SOAT1: variants seen among roughly 807,000 people sequenced by gnomAD.
SOAT1 encodes sterol O-acyltransferase 1.
SOAT1 carries 55 observed loss-of-function variants against 69.5 expected under a neutral mutation model. That is an observed-to-expected ratio of 0.79 (90% CI 0.64 to 0.99). The LOEUF (loss-of-function observed/expected upper bound fraction) is 0.99, where lower values mean the gene tolerates loss of function less well. Among genes scored for constraint, SOAT1 ranks in the 50% least tolerant of loss-of-function variants. SOAT1 has a pLI of 0.00. For missense variants in SOAT1, 580 were observed against 669.3 expected, an observed-to-expected ratio of 0.87 and a Z score of 1.47; for synonymous variants, 231 against 224.7, an observed-to-expected ratio of 1.03 and a Z score of -0.25.
intron 2 of SOAT1, among the ~76,000 whole-genome samples, chr1:179,313,582 A>ATATATATATGTATATGTGTGTATATATG (rs1665293946): frequency 6.6e-6 from 1 of 150,586 alleles, no homozygotes; most frequent in Admixed American, 6.8e-5. Flanking sequence ...GTGTATATAT[A>ATATATATATGTATATGTGTGTATATATG]TGTATATATA....
chr1:179,348,760 A>ATGTGTGTG (rs71111912), intron 12 of SOAT1, 84 bp from the exon 13 acceptor site: 55 of 593,868 alleles, frequency 9.3e-5, no homozygotes, highest in African/African-American at 3.3e-4. Flanking sequence ...TTCGGGTGGG[A>ATGTGTGTG]TGTGTGTGTG....
chr1:179,299,089 A>G (rs984810524), intron 1 of SOAT1, among the ~76,000 whole-genome samples: 1 of 152,146 alleles, frequency 6.6e-6, no homozygotes, highest in Admixed American at 6.6e-5. Flanking sequence ...TGATTATAGG[A>G]CAATGTAACA....
At chr1:179,320,542 T>C (rs1458237502) in intron 2 of SOAT1, among the ~76,000 whole-genome samples, 1 of 152,150 alleles carries the variant, frequency 6.6e-6, no homozygotes, top group Non-Finnish European at 1.5e-5. Flanking sequence ...CAGGTGAAAT[T>C]TTAGTGAGTA....
chr1:179,342,458 A>C (rs1322650821), intron 8 of SOAT1, among the ~76,000 whole-genome samples: 1 of 151,840 alleles, frequency 6.6e-6, no homozygotes, highest in African/African-American at 2.4e-5. Context: ...TTTTATTTCA[A>C]ATATATATTA....
chr1:179,308,759 A>AT (rs1267203164), intron 2 of SOAT1, among the ~76,000 whole-genome samples: 1 of 151,350 alleles, frequency 6.6e-6, no homozygotes, highest in East Asian at 1.9e-4. Flanking sequence ...ATATATACTC[A>AT]TTGAAAAAAT....
At chr1:179,309,184 A>G (rs1665134034) in intron 2 of SOAT1, among the ~76,000 whole-genome samples, 1 of 152,138 alleles carries the variant, frequency 6.6e-6, no homozygotes, top group African/African-American at 2.4e-5. Flanking sequence ...CCCTGGTTCA[A>G]GCGATTCTTC....
rs528645477 is a variant in SOAT1, at chr1:179,338,153, C to T, written c.389+257C>T. On this transcript the variant is annotated intron_variant, in intron 5 of 15. Transcript: ENST00000367619. ...CCTGTAATCCTAGCACTTTGGGAGG[C>T]TGAGACAGGCAGATCGCTTGAGTCC... is the stretch of plus-strand genomic sequence containing the variant. Among the ~76,000 whole-genome samples, 18 of 152,234 alleles carry T rather than the reference C, an allele frequency of 1.2e-4. No individual in the cohort carries two copies. In the South Asian group the frequency reaches 3.5e-3, roughly 30 times the overall value.
At chr1:179,336,271 T>G (rs1666149970) in intron 4 of SOAT1, among the ~76,000 whole-genome samples, 1 of 151,934 alleles carries the variant, frequency 6.6e-6, no homozygotes, top group Admixed American at 6.6e-5. Context: ...GAGACCAGCC[T>G]GGCCAACAGG....
At chr1:179,319,267 C>CT (rs542647494) in intron 2 of SOAT1, among the ~76,000 whole-genome samples, 31,673 of 125,116 alleles carry the variant, frequency 0.25, 4,155 homozygotes, top group East Asian at 0.37. Context: ...GTTACTTTGC[C>CT]TTTTTTTTTT....
chr1:179,332,309 C>A (rs760789699), intron 3 of SOAT1, among the ~76,000 whole-genome samples: 13 of 152,138 alleles, frequency 8.5e-5, no homozygotes, highest in Admixed American at 5.2e-4. Flanking sequence ...CTTAAAGGTC[C>A]ATGATCTAGT....
intron 2 of SOAT1, among the ~76,000 whole-genome samples, chr1:179,312,929 T>C (rs998253592): frequency 6.6e-6 from 1 of 152,160 alleles, no homozygotes; most frequent in African/African-American, 2.4e-5. Flanking sequence ...AAGGACCTCT[T>C]TAAATTTTTC....
rs1665540550 is a variant in SOAT1 at position 179,320,017 on chromosome 1, G to T, written c.119-3420G>T. On this transcript the variant is annotated intron_variant, in intron 2 of 15. Coordinates refer to ENST00000367619, the MANE Select transcript of SOAT1 (RefSeq NM_003101.6). ...TTTTTTTTTTCCCATTCTATGGGTT[G>T]TCGTTTTACTTTCTTGATGGTGTTC... 8.6e-5 allele frequency among the ~76,000 whole-genome samples: 13 copies of T among 151,886 alleles called. No individual in the cohort carries two copies. In the South Asian group the frequency reaches 2.7e-3, roughly 31 times the overall value.
chr1:179,305,417 T>A (rs78995353), intron 2 of SOAT1, among the ~76,000 whole-genome samples: 1 of 40,612 alleles, frequency 2.5e-5, no homozygotes, highest in African/African-American at 5.8e-5. Context: ...GTACTTCATT[T>A]TTTTTTTTTG....
intron 3 of SOAT1, among the ~76,000 whole-genome samples, chr1:179,329,651 G>T (rs1261001603): frequency 6.6e-6 from 1 of 151,412 alleles, no homozygotes; most frequent in East Asian, 1.9e-4. Context: ...GGAGGTGGAG[G>T]TTGCAGTGAG....
At chr1:179,342,409 G>C (rs1666372002) in intron 8 of SOAT1, among the ~76,000 whole-genome samples, 1 of 149,706 alleles carries the variant, frequency 6.7e-6, no homozygotes, top group Non-Finnish European at 1.5e-5. Context: ...ACCCTTTGTT[G>C]TTTTCTGGGA....
chr1:179,335,712 G>T, intron 4 of SOAT1, 55 bp downstream of exon 4: 2 of 1,488,740 alleles, frequency 1.3e-6, no homozygotes, highest in Non-Finnish European at 1.8e-6. Context: ...TAGTTCAATG[G>T]TGAAAATGGA....
intron 1 of SOAT1, among the ~76,000 whole-genome samples, chr1:179,296,877 T>C (rs1230959570): frequency 6.6e-6 from 1 of 152,238 alleles, no homozygotes; most frequent in Non-Finnish European, 1.5e-5. Context: ...CATTTCTTTT[T>C]GTTTTGCTTT....
rs369712597 is a variant in SOAT1 at position 179,344,927 on chromosome 1, C to A, written c.988-20C>A. The stretch of plus-strand genomic sequence containing the variant: ...TTATTAAGCCATCGTTATTATAATT[C>A]TGTCTCTGTTATGTTCCAGGTCTTT... On this transcript the variant is annotated intron_variant, in intron 10 of 15. Transcript: ENST00000367619. 3 of 1,612,678 alleles carry A rather than the reference C, an allele frequency of 1.9e-6. No homozygotes were observed. The Admixed American group carries it at 5.0e-5, about 27-fold the overall frequency.
chr1:179,349,763 A>G (rs2125003681), intron 13 of SOAT1, among the ~76,000 whole-genome samples: 1 of 152,326 alleles, frequency 6.6e-6, no homozygotes, highest in South Asian at 2.1e-4. Context: ...CCTGGTTGAT[A>G]AACAGGTATC....
Sources: allele counts gnomAD v4.1 joint callset (sites outside exome capture counted in the v4.1 genomes callset), GRCh38; gene constraint gnomAD v4.1.1; transcripts MANE v1.5; gene names NCBI Gene and HGNC (gene_info 2026-07-23, HGNC 2026-07-21).